TAFA5: variants seen among roughly 807,000 people sequenced by gnomAD.
TAFA5 encodes the protein TAFA chemokine like family member 5.
In TAFA5, 6 loss-of-function variants were observed where a neutral mutation model predicts 15.3. The ratio of observed to expected loss-of-function variants is 0.39; its 90% CI spans 0.21 to 0.77. The LOEUF (loss-of-function observed/expected upper bound fraction) is 0.77, where lower values mean the gene tolerates loss of function less well. Ranked by LOEUF, TAFA5 falls within the 30% of genes least tolerant of loss-of-function variation. The pLI is 0.41. For missense variants in TAFA5, 161 were observed against 193.1 expected, an observed-to-expected ratio of 0.83 and a Z score of 0.98; for synonymous variants, 103 against 80.7, an observed-to-expected ratio of 1.28 and a Z score of -1.48.
intron 1 of TAFA5, among the ~76,000 whole-genome samples, chr22:48,587,318 T>G (rs1403496542): frequency 1.3e-5 from 2 of 152,212 alleles, no homozygotes; most frequent in Non-Finnish European, 2.9e-5. Context: ...GGTCCTGGAC[T>G]GCAGGGACTT....
At chr22:48,617,153 G>C (rs2147178518) in intron 1 of TAFA5, among the ~76,000 whole-genome samples, 1 of 151,424 alleles carries the variant, frequency 6.6e-6, no homozygotes, top group East Asian at 1.9e-4. Context: ...GGGTCTTGCA[G>C]ATGTGATTAA....
At chr22:48,568,239 T>A (rs991888743) in intron 1 of TAFA5, among the ~76,000 whole-genome samples, 7 of 152,238 alleles carry the variant, frequency 4.6e-5, no homozygotes, top group African/African-American at 9.6e-5. Flanking sequence ...GGCCTGCGCC[T>A]CCATCTTCTC....
chr22:48,685,094 A>C (rs558972429), intron 2 of TAFA5, among the ~76,000 whole-genome samples: 1 of 152,204 alleles, frequency 6.6e-6, no homozygotes, highest in Non-Finnish European at 1.5e-5. Context: ...TGGCCTGGGA[A>C]AGGGGAGATC....
At chr22:48,511,335 G>A (rs1015748342) in intron 1 of TAFA5, among the ~76,000 whole-genome samples, 22 of 152,146 alleles carry the variant, frequency 1.4e-4, no homozygotes, top group African/African-American at 5.3e-4. Flanking sequence ...GGCAAACTGG[G>A]TCAGGTGGCT....
At chr22:48,543,035 G>A (rs1470388119) in intron 1 of TAFA5, among the ~76,000 whole-genome samples, 1 of 151,828 alleles carries the variant, frequency 6.6e-6, no homozygotes, top group Admixed American at 6.6e-5. Flanking sequence ...CTACATAGTG[G>A]GACCCCGATC....
intron 1 of TAFA5, among the ~76,000 whole-genome samples, chr22:48,562,224 G>A (rs989255951): frequency 2.2e-4 from 34 of 152,000 alleles, no homozygotes; most frequent in African/African-American, 8.0e-4. Flanking sequence ...TGCAAGCTCT[G>A]CCTCCCGGGT....
intron 1 of TAFA5, among the ~76,000 whole-genome samples, chr22:48,633,552 C>CTCTCTCTCTCCA (rs1569056673): frequency 2.0e-5 from 3 of 150,406 alleles, no homozygotes; most frequent in African/African-American, 5.0e-5. Flanking sequence ...CTCTCTCTCT[C>CTCTCTCTCTCCA]TCTCTCCATC....
intron 1 of TAFA5, among the ~76,000 whole-genome samples, chr22:48,540,795 G>A (rs188280146): frequency 4.7e-4 from 70 of 149,664 alleles, no homozygotes; most frequent in African/African-American, 1.5e-3. Context: ...AGCTTCAGAT[G>A]TTTAGAGGAA....
chr22:48,709,618 C>T (rs886449119), intron 3 of TAFA5, among the ~76,000 whole-genome samples: 1 of 152,206 alleles, frequency 6.6e-6, no homozygotes, highest in African/African-American at 2.4e-5. Context: ...ACTTCTCAGT[C>T]GCCCTTTGAT....
At chr22:48,723,514 C>G (rs1445511831) in intron 3 of TAFA5, among the ~76,000 whole-genome samples, 1 of 152,128 alleles carries the variant, frequency 6.6e-6, no homozygotes, top group Non-Finnish European at 1.5e-5. Context: ...GCTCCATAGG[C>G]TTTGGGCATG....
At chr22:48,635,974 GC>G (rs1293222935) in intron 1 of TAFA5, among the ~76,000 whole-genome samples, 1 of 152,232 alleles carries the variant, frequency 6.6e-6, no homozygotes, top group African/African-American at 2.4e-5. Context: ...TGGGTCCAGG[GC>G]GCCTTCCTCC....
intron 1 of TAFA5, among the ~76,000 whole-genome samples, chr22:48,597,775 A>C (rs1924822525): frequency 6.6e-6 from 1 of 152,250 alleles, no homozygotes; most frequent in African/African-American, 2.4e-5. Context: ...GGCTCCAGAC[A>C]CACGTGGTAG....
intron 1 of TAFA5, among the ~76,000 whole-genome samples, chr22:48,610,925 G>A (rs1182619214): frequency 6.9e-6 from 1 of 143,928 alleles, no homozygotes; most frequent in African/African-American, 2.6e-5. Flanking sequence ...CTGGCTGGAT[G>A]ACCCTTAGTA....
intron 1 of TAFA5, among the ~76,000 whole-genome samples, chr22:48,538,010 G>A (rs908080915): frequency 2.0e-5 from 3 of 152,220 alleles, no homozygotes; most frequent in Admixed American, 6.5e-5. Context: ...ACCAGCGCAC[G>A]GTCAGCTCCA....
chr22:48,673,890 T>G (rs567613556), intron 2 of TAFA5, among the ~76,000 whole-genome samples: 90 of 152,078 alleles, frequency 5.9e-4, no homozygotes, highest in African/African-American at 2.1e-3. Context: ...GCATCATAGC[T>G]GGGTATAGCT....
intron 1 of TAFA5, among the ~76,000 whole-genome samples, chr22:48,565,674 C>G (rs907707377): frequency 6.6e-6 from 1 of 152,148 alleles, no homozygotes; most frequent in Non-Finnish European, 1.5e-5. Context: ...GAGGATTTCC[C>G]GGGACTTGCA....
chr22:48,553,892 G>A (rs949921480), intron 1 of TAFA5, among the ~76,000 whole-genome samples: 5 of 152,154 alleles, frequency 3.3e-5, no homozygotes, highest in Middle Eastern at 3.2e-3. Flanking sequence ...GGTGATCACC[G>A]TCCACCTGCC....
chr22:48,582,452 CCA>C (rs1924092322), intron 1 of TAFA5, among the ~76,000 whole-genome samples: 1 of 151,120 alleles, frequency 6.6e-6, no homozygotes, highest in Admixed American at 6.6e-5. Flanking sequence ...ACACCACATA[CCA>C]CACACAAAAT....
chr22:48,704,198 GCGCACA>G (rs905283724), intron 2 of TAFA5, among the ~76,000 whole-genome samples: 126 of 82,542 alleles, frequency 1.5e-3, no homozygotes, highest in African/African-American at 5.5e-3. Flanking sequence ...CAACACACAC[GCGCACA>G]CACACACACA....
Sources: allele counts gnomAD v4.1 joint callset (sites outside exome capture counted in the v4.1 genomes callset), GRCh38; gene constraint gnomAD v4.1.1; transcripts MANE v1.5; gene names NCBI Gene and HGNC (gene_info 2026-07-23, HGNC 2026-07-21).